LRRTM3: variants seen among roughly 807,000 people sequenced by gnomAD.
The protein encoded by LRRTM3 is leucine-rich repeat transmembrane neuronal protein 3.
In LRRTM3, 24 loss-of-function variants were observed where a neutral mutation model predicts 44.7. That is an observed-to-expected ratio of 0.54 (90% CI 0.39 to 0.76). LRRTM3 has a LOEUF of 0.76. LRRTM3 is among the 30% of genes least tolerant of loss of function. LRRTM3 has a pLI of 0.00. For missense variants in LRRTM3, 587 were observed against 702.2 expected (o/e 0.84, Z 1.85); for synonymous variants, 277 against 278.7 (o/e 0.99, Z 0.06).
intron 2 of LRRTM3, among the ~76,000 whole-genome samples, chr10:67,029,536 C>T (rs79838190): frequency 6.6e-6 from 1 of 152,246 alleles, no homozygotes; most frequent in East Asian, 1.9e-4. Flanking sequence ...ATTATTTAAG[C>T]TATAGCACTT....
At chr10:66,952,223 A>G (rs1268840242) in intron 2 of LRRTM3, among the ~76,000 whole-genome samples, 1 of 152,214 alleles carries the variant, frequency 6.6e-6, no homozygotes, top group Non-Finnish European at 1.5e-5. Context: ...ATCCAAAATG[A>G]AAAGAATACT....
chr10:66,982,720 A>C (rs1850511135), intron 2 of LRRTM3, among the ~76,000 whole-genome samples: 1 of 152,228 alleles, frequency 6.6e-6, no homozygotes, highest in Admixed American at 6.5e-5. Context: ...CTAAGTAATA[A>C]GACAAGGAAG....
At chr10:67,029,263 A>C (rs1302384763) in intron 2 of LRRTM3, among the ~76,000 whole-genome samples, 1 of 152,242 alleles carries the variant, frequency 6.6e-6, no homozygotes. Flanking sequence ...TTTACAGTTG[A>C]AATAAGAAGT....
At chr10:67,060,485 C>T (rs1279552500) in intron 2 of LRRTM3, among the ~76,000 whole-genome samples, 2 of 152,112 alleles carry the variant, frequency 1.3e-5, no homozygotes, top group Non-Finnish European at 1.5e-5. Context: ...CAGAAATAGC[C>T]ATGCTCATCA....
At chr10:67,047,177 C>T (rs558592155) in intron 2 of LRRTM3, among the ~76,000 whole-genome samples, 1 of 152,240 alleles carries the variant, frequency 6.6e-6, no homozygotes, top group African/African-American at 2.4e-5. Context: ...TGCTTCAATC[C>T]TTCCTGCTGA....
intron 2 of LRRTM3, among the ~76,000 whole-genome samples, chr10:67,025,181 G>T (rs1210551956): frequency 6.8e-6 from 1 of 146,042 alleles, no homozygotes; most frequent in Non-Finnish European, 1.5e-5. Context: ...AGGAAAGAAA[G>T]AAAAGAAACC....
chr10:66,933,158 A>T (rs1304618468), intron 2 of LRRTM3, among the ~76,000 whole-genome samples: 1 of 152,236 alleles, frequency 6.6e-6, no homozygotes, highest in Admixed American at 6.5e-5. Context: ...GGCATGAGCC[A>T]AAAAGAAATC....
intron 2 of LRRTM3, among the ~76,000 whole-genome samples, chr10:66,958,700 G>A (rs1848962656): frequency 6.6e-6 from 1 of 152,036 alleles, no homozygotes; most frequent in South Asian, 2.1e-4. Flanking sequence ...CAGCACCAGA[G>A]CCAAATTTGA....
intron 2 of LRRTM3, among the ~76,000 whole-genome samples, chr10:67,030,140 A>G (rs1203479490): frequency 6.6e-6 from 1 of 152,262 alleles, no homozygotes; most frequent in Non-Finnish European, 1.5e-5. Flanking sequence ...TTAATAACAA[A>G]TAAGCTTGTG....
At chr10:67,063,397 G>C (rs1435494586) in intron 2 of LRRTM3, among the ~76,000 whole-genome samples, 2 of 152,166 alleles carry the variant, frequency 1.3e-5, no homozygotes, top group Admixed American at 1.3e-4. Context: ...CCTTTAAAAA[G>C]TTAGGGGTCT....
At chr10:66,969,700 G>A (rs889226122) in intron 2 of LRRTM3, among the ~76,000 whole-genome samples, 2 of 152,086 alleles carry the variant, frequency 1.3e-5, no homozygotes, top group Non-Finnish European at 2.9e-5. Flanking sequence ...GGTCAAAGCT[G>A]ATATACTTCA....
At chr10:66,929,086 G>C (rs1230428210) in intron 2 of LRRTM3, among the ~76,000 whole-genome samples, 1 of 152,160 alleles carries the variant, frequency 6.6e-6, no homozygotes, top group Non-Finnish European at 1.5e-5. Context: ...AGTGATGAAG[G>C]GTTAAAATAC....
intron 1 of LRRTM3, 108 bp downstream of exon 1, chr10:66,926,695 T>C (rs1847094548): frequency 7.7e-7 from 1 of 1,297,226 alleles, no homozygotes; most frequent in South Asian, 1.3e-5. Context: ...CTTGCTCTGC[T>C]CTAAGACTAT....
At chr10:66,977,958 A>C (rs1850144078) in intron 2 of LRRTM3, among the ~76,000 whole-genome samples, 1 of 152,188 alleles carries the variant, frequency 6.6e-6, no homozygotes, top group Non-Finnish European at 1.5e-5. Context: ...AATGACACTT[A>C]GTCAAACTTT....
chr10:67,065,205 C>T (rs534013116), intron 2 of LRRTM3, among the ~76,000 whole-genome samples: 1 of 152,220 alleles, frequency 6.6e-6, no homozygotes, highest in South Asian at 2.1e-4. Context: ...TGACACATAT[C>T]GGGAGACACA....
chr10:66,978,059 T>C (rs1564807949), intron 2 of LRRTM3, among the ~76,000 whole-genome samples: 1 of 41,774 alleles, frequency 2.4e-5, no homozygotes. Context: ...CACACATATA[T>C]ATATATATAC....
At chr10:66,954,114 G>C (rs1031136748) in intron 2 of LRRTM3, among the ~76,000 whole-genome samples, 1 of 152,016 alleles carries the variant, frequency 6.6e-6, no homozygotes, top group Non-Finnish European at 1.5e-5. Context: ...GCCTCTACTA[G>C]TCAGTAAATC....
chr10:67,008,920 G>A (rs1025665094), intron 2 of LRRTM3, among the ~76,000 whole-genome samples: 3 of 152,118 alleles, frequency 2.0e-5, no homozygotes, highest in African/African-American at 7.2e-5. Flanking sequence ...GCTTGAAAAT[G>A]TTTGTGCATT....
intron 2 of LRRTM3, among the ~76,000 whole-genome samples, chr10:67,062,526 T>C (rs1244105586): frequency 1.3e-5 from 2 of 152,178 alleles, no homozygotes; most frequent in East Asian, 3.9e-4. Flanking sequence ...TGTGTGTGTG[T>C]CTGTGTGTCT....
Sources: gnomAD v4.1 joint callset for allele counts (sites outside exome capture counted in the v4.1 genomes callset) on GRCh38, gnomAD v4.1.1 for gene constraint, MANE v1.5 for transcripts, NCBI Gene and HGNC (gene_info 2026-07-23, HGNC 2026-07-21) for gene names.